GALNT5: variants seen among roughly 807,000 people sequenced by gnomAD.
GALNT5 encodes polypeptide N-acetylgalactosaminyltransferase 5, also known as UDP-GalNAc:polypeptide N-acetylgalactosaminyltransferase 5.
In GALNT5, 72 loss-of-function variants were observed where a neutral mutation model predicts 85.4. The observed-to-expected ratio is 0.84, with a 90% CI of 0.70 to 1.03. The LOEUF (loss-of-function observed/expected upper bound fraction) is 1.03. Among genes scored for constraint, GALNT5 ranks in the 50% least tolerant of loss-of-function variants. The pLI is 0.00. For missense variants in GALNT5, 1,137 were observed against 1,135.5 expected, an observed-to-expected ratio of 1.00 and a Z score of -0.02; for synonymous variants, 404 against 397.0, an observed-to-expected ratio of 1.02 and a Z score of -0.21.
chr2:157,296,360 C>A (rs775374787), intron 4 of GALNT5, 34 bp from the exon 5 acceptor site: 2 of 1,557,538 alleles, frequency 1.3e-6, no homozygotes, highest in Non-Finnish European at 1.8e-6. Flanking sequence ...TATATAATCC[C>A]AGATAACACT....
intron 1 of GALNT5, among the ~76,000 whole-genome samples, chr2:157,280,597 G>T (rs1682834914): frequency 6.6e-6 from 1 of 152,176 alleles, no homozygotes; most frequent in Non-Finnish European, 1.5e-5. Context: ...ATAAATTTTG[G>T]TATCAAGGAG....
At position 157,316,946 on chromosome 2, in the gene GALNT5, A is replaced by G. The variant is rs150356405; in HGVS notation, c.*5598A>G. ...CAGCAACTTCTAATATGCTGTTTCT[A>G]ATAATGAGTCACCATCAAATAAGTA... On this transcript the variant is annotated 3_prime_UTR_variant, in exon 10 of 10. Coordinates refer to ENST00000259056, the MANE Select transcript of GALNT5 (RefSeq NM_014568.3). Among the ~76,000 whole-genome samples, 240 of 152,122 alleles carry G rather than the reference A, an allele frequency of 1.6e-3. 6 individuals carry two copies. In the East Asian group the frequency reaches 0.043, roughly 27 times the overall value.
At chr2:157,276,470 G>C (rs1682729631) in intron 1 of GALNT5, among the ~76,000 whole-genome samples, 1 of 152,066 alleles carries the variant, frequency 6.6e-6, no homozygotes, top group Admixed American at 6.6e-5. Flanking sequence ...TTTTTTGACT[G>C]GTAGGTTATT....
chr2:157,289,115 T>C (rs924386245), intron 3 of GALNT5, among the ~76,000 whole-genome samples: 1 of 150,674 alleles, frequency 6.6e-6, no homozygotes, highest in African/African-American at 2.5e-5. Flanking sequence ...ATGGGTTACT[T>C]ATTTAAAAAT....
intron 2 of GALNT5, among the ~76,000 whole-genome samples, chr2:157,285,479 A>C (rs1682949799): frequency 6.6e-6 from 1 of 152,228 alleles, no homozygotes; most frequent in Non-Finnish European, 1.5e-5. Context: ...AATGACTGTA[A>C]GTCACATAAA....
rs999589852 is a variant in GALNT5, at chr2:157,317,639, C to T, written c.*6291C>T. Among the ~76,000 whole-genome samples the T allele has an allele frequency of 2.6e-5, 4 of 152,072 alleles. No individual in the cohort carries two copies. Among genetic ancestry groups the T allele is most frequent in the Non-Finnish European group, 5.9e-5 (4 of 67,978 alleles). The stretch of plus-strand genomic sequence containing the variant: ...ACATTTTTAAGTACTTTTTCTTTTG[C>T]ATCTGATCGACTGAAGTTATTATAA... On this transcript the variant is annotated 3_prime_UTR_variant, in exon 10 of 10. Transcript: ENST00000259056.
intron 1 of GALNT5, among the ~76,000 whole-genome samples, chr2:157,268,598 C>A (rs1054476124): frequency 6.6e-6 from 1 of 152,168 alleles, no homozygotes; most frequent in Non-Finnish European, 1.5e-5. Flanking sequence ...CTGACTTGCC[C>A]ATGGCCATAG....
chr2:157,291,118 C>A (rs1683088256), intron 3 of GALNT5, among the ~76,000 whole-genome samples: 8 of 152,126 alleles, frequency 5.3e-5, no homozygotes, highest in Admixed American at 3.3e-4. Context: ...AATGAGATAT[C>A]AGGGAAGAAG....
intron 6 of GALNT5, among the ~76,000 whole-genome samples, chr2:157,299,963 A>G (rs1683304056): frequency 6.6e-6 from 1 of 152,204 alleles, no homozygotes; most frequent in African/African-American, 2.4e-5. Flanking sequence ...GTGCTACAAA[A>G]TAACTCTCCT....
At chr2:157,273,921 C>G (rs886962387) in intron 1 of GALNT5, among the ~76,000 whole-genome samples, 1 of 151,770 alleles carries the variant, frequency 6.6e-6, no homozygotes, top group Non-Finnish European at 1.5e-5. Context: ...GTTTGCTGCA[C>G]CCATCAACTC....
Position 157,311,571 on chromosome 2 carries a change from T to C in GALNT5, c.*223T>C, listed in dbSNP as rs1276037318. Reference sequence around the variant, plus strand: ...CTTCGGAACTGGGTGGCCTTTGAATTGCCTGCTTTCCACCCTATGCTAGAC... The same window carrying C: ...CTTCGGAACTGGGTGGCCTTTGAATCGCCTGCTTTCCACCCTATGCTAGAC... On this transcript the variant is annotated 3_prime_UTR_variant, in exon 10 of 10. Coordinates refer to ENST00000259056, the MANE Select transcript of GALNT5 (RefSeq NM_014568.3). 1 of 417,142 alleles carries C rather than the reference T, an allele frequency of 2.4e-6. No individual in the cohort carries two copies. Among genetic ancestry groups the C allele is most frequent in the Non-Finnish European group, 4.3e-6 (1 of 234,930 alleles). 25.8% of individuals were successfully genotyped at this position (417,142 alleles called of 1,614,324 possible).
intron 3 of GALNT5, among the ~76,000 whole-genome samples, chr2:157,291,640 C>CCG (rs1553463149): frequency 7.0e-6 from 1 of 143,670 alleles, no homozygotes; most frequent in African/African-American, 2.6e-5. Flanking sequence ...CCCACCCCCC[C>CCG]CCAGATTTTT....
Position 157,305,817 on chromosome 2 carries a change from T to C in GALNT5, c.2508T>C (p.Asp836=). 1.3e-6 allele frequency: 2 copies of C among 1,597,538 alleles called. No individual in the cohort carries two copies. The highest frequency in any genetic ancestry group is 1.7e-6 in the Non-Finnish European group (2 of 1,164,982). ...ENTTVILEDC[D]GSKELQQFNY... ...CTACAGTCATTCTGGAAGACTGCGATGGGAGCAAAGAGGTATGCTAAACTG... is the reference window on the plus strand; with the variant it reads ...CTACAGTCATTCTGGAAGACTGCGACGGGAGCAAAGAGGTATGCTAAACTG... The change falls in exon 8 of 10, where the codon GAT becomes GAC. Residue 836 remains aspartate, a synonymous_variant. Transcript: ENST00000259056.
At chr2:157,303,475 A>G (rs949705719) in intron 7 of GALNT5, among the ~76,000 whole-genome samples, 2 of 151,056 alleles carry the variant, frequency 1.3e-5, no homozygotes, top group African/African-American at 5.0e-5. Flanking sequence ...CAACATGGAT[A>G]ATTTAAAATT....
chr2:157,289,877 G>C (rs2105149154), intron 3 of GALNT5, among the ~76,000 whole-genome samples: 1 of 152,080 alleles, frequency 6.6e-6, no homozygotes, highest in South Asian at 2.1e-4. Context: ...TTCGAGACCA[G>C]CCTGCCCAAC....
chr2:157,291,342 C>T (rs1255490992), intron 3 of GALNT5, among the ~76,000 whole-genome samples: 1 of 152,198 alleles, frequency 6.6e-6, no homozygotes, highest in Non-Finnish European at 1.5e-5. Context: ...CATCTAACTC[C>T]TAGCAAACTC....
At chr2:157,308,176 A>G (rs755551665) in intron 8 of GALNT5, among the ~76,000 whole-genome samples, 4 of 152,224 alleles carry the variant, frequency 2.6e-5, no homozygotes, top group Non-Finnish European at 4.4e-5. Flanking sequence ...TAGACTGAAC[A>G]TTCCAATTCT....
rs762557183 is a variant in GALNT5, at chr2:157,258,499, T to C, written c.417T>C (p.Pro139=). The change falls in exon 1 of 10, where the codon CCT becomes CCC. Residue 139 remains proline, a synonymous_variant. Transcript: ENST00000259056. ...ATCTGCAGACCCTCCCTGTGACTCC[T>C]AACAAGCAGAAGACAGACGGGAGAG... ...PAHLQTLPVT[P]NKQKTDGRGT... is the part of the protein sequence containing the mutation. 2.5e-6 allele frequency: 4 copies of C among 1,609,716 alleles called. No homozygotes were observed.
At position 157,294,968 on chromosome 2, in the gene GALNT5, T is replaced by TC. The variant is rs1364220748; in HGVS notation, c.1742-695_1742-694insC. Among the ~76,000 whole-genome samples the TC allele has an allele frequency of 2.6e-5, 4 of 151,178 alleles. No homozygotes were observed. The East Asian group carries it at 7.8e-4, about 29-fold the overall frequency. On this transcript the variant is annotated intron_variant, in intron 3 of 9. Transcript: ENST00000259056. Reference sequence around the variant, plus strand: ...TCTGGCCTCCAAGTTTCTTTTCCTTTTTTTTTTCCTCCTCTAAGTCTTTTT... The same window carrying TC: ...TCTGGCCTCCAAGTTTCTTTTCCTTTCTTTTTTTCCTCCTCTAAGTCTTTTT...
Sources: gnomAD v4.1 joint callset for allele counts (sites outside exome capture counted in the v4.1 genomes callset) on GRCh38, gnomAD v4.1.1 for gene constraint, MANE v1.5 for transcripts, NCBI Gene and HGNC (gene_info 2026-07-23, HGNC 2026-07-21) for gene names.